RAB3GAP2: variants seen among roughly 807,000 people sequenced by gnomAD.
RAB3GAP2 encodes rab3 GTPase-activating protein non-catalytic subunit.
RAB3GAP2 carries 87 observed loss-of-function variants against 185.3 expected under a neutral mutation model. That is an observed-to-expected ratio of 0.47 (90% CI 0.39 to 0.56). The LOEUF is 0.56. Among genes scored for constraint, RAB3GAP2 ranks in the 20% least tolerant of loss-of-function variants. RAB3GAP2 has a pLI of 0.00. For synonymous variants in RAB3GAP2, 554 were observed against 576.1 expected (o/e 0.96, Z 0.55); for missense variants, 1,492 against 1,638.2 (o/e 0.91, Z 1.54).
intron 9 of RAB3GAP2, among the ~76,000 whole-genome samples, chr1:220,199,331 T>C (rs557903179): frequency 5.9e-4 from 78 of 131,864 alleles, no homozygotes; most frequent in African/African-American, 1.1e-3. Context: ...TGGGAATCTA[T>C]TTCTTATGCT....
chr1:220,228,159 G>A (rs1395338721), intron 2 of RAB3GAP2, among the ~76,000 whole-genome samples: 2 of 152,270 alleles, frequency 1.3e-5, no homozygotes, highest in African/African-American at 4.8e-5. Context: ...ATAAGACTCA[G>A]ACTCTCAGAG....
chr1:220,170,791 G>T, intron 24 of RAB3GAP2, 101 bp downstream of exon 24: 2 of 955,154 alleles, frequency 2.1e-6, no homozygotes, highest in East Asian at 2.5e-5. Context: ...TTTTAAATCT[G>T]AGTGTATTTT....
chr1:220,150,051 G>A lies in RAB3GAP2; in HGVS notation c.*1200C>T, dbSNP rs1009618762. The A allele has an allele frequency of 2.7e-5, 4 of 150,590 alleles. No homozygotes were observed. The highest frequency in any genetic ancestry group is 9.8e-5 in the African/African-American group (4 of 40,988). 9.3% of individuals were successfully genotyped at this position (150,590 alleles called of 1,614,324 possible). A position where few individuals can be genotyped will look rare whatever the true frequency, so the allele number is the denominator to read the frequency against. On this transcript the variant is annotated 3_prime_UTR_variant, in exon 35 of 35. Transcript: ENST00000358951. The stretch of plus-strand genomic sequence containing the variant: ...AAAAATATACCACAATAAATACTTG[G>A]TATTTGTAGAGCTCAAAGCACTCTT...
chr1:220,209,355 G>C (rs546307152), intron 7 of RAB3GAP2, among the ~76,000 whole-genome samples: 5 of 151,862 alleles, frequency 3.3e-5, no homozygotes, highest in African/African-American at 1.2e-4. Flanking sequence ...TTCTACATTC[G>C]AATCTTCTCT....
intron 1 of RAB3GAP2, among the ~76,000 whole-genome samples, chr1:220,251,803 G>A (rs1659937062): frequency 6.6e-6 from 1 of 152,106 alleles, no homozygotes; most frequent in Admixed American, 6.5e-5. Context: ...CACTGATCAG[G>A]CAATTATTAA....
chr1:220,254,553 A>G, intron 1 of RAB3GAP2: 1 of 1,602,948 alleles, frequency 6.2e-7, no homozygotes, highest in Non-Finnish European at 8.5e-7. Context: ...AGGCACTCTC[A>G]CTCACTTATG....
chr1:220,183,908 G>T, intron 19 of RAB3GAP2, 128 bp downstream of exon 19: 1 of 723,098 alleles, frequency 1.4e-6, no homozygotes, highest in Non-Finnish European at 2.2e-6. Flanking sequence ...CAGGGGGCTT[G>T]GTAAGGAAAA....
At chr1:220,253,493 G>C (rs748813427) in intron 1 of RAB3GAP2, 3 of 1,526,420 alleles carry the variant, frequency 2.0e-6, no homozygotes, top group Non-Finnish European at 2.6e-6. Flanking sequence ...CGTCTGACGC[G>C]GAGTTGGGTG....
Position 220,235,852 on chromosome 1 carries a change from AATACTTT to A in RAB3GAP2, c.116-2996_116-2990del, listed in dbSNP as rs1337099844. 3.3e-5 allele frequency among the ~76,000 whole-genome samples: 5 copies of A among 152,206 alleles called. No homozygotes were observed. The East Asian group carries it at 9.6e-4, about 29-fold the overall frequency. The stretch of plus-strand genomic sequence containing the variant: ...CTCCAAGAAAAGAAAGACCTTGAGA[AATACTTT>A]ATACAAGATATTTAGGTTTATGAAG... On this transcript the variant is annotated intron_variant, in intron 1 of 34. Coordinates refer to ENST00000358951, the MANE Select transcript of RAB3GAP2 (RefSeq NM_012414.4).
chr1:220,216,666 T>G lies in RAB3GAP2; in HGVS notation c.181-2687A>C, dbSNP rs554712349. 1.1e-3 allele frequency among the ~76,000 whole-genome samples: 169 copies of G among 152,338 alleles called. 1 individual carries two copies. The highest frequency in any genetic ancestry group is 0.01 in the Middle Eastern group (3 of 294). ...AGAAATTAGGAGGGTCCAAAACTCT[T>G]TGATTGGTCTCTGACTCTTATCCTA... On this transcript the variant is annotated intron_variant, in intron 2 of 34. Transcript: ENST00000358951.
chr1:220,214,724 C>G (rs1659152476), intron 2 of RAB3GAP2, among the ~76,000 whole-genome samples: 1 of 151,552 alleles, frequency 6.6e-6, no homozygotes, highest in Admixed American at 6.6e-5. Flanking sequence ...GGTGTTTTCT[C>G]TTTTTCATTA....
rs41303055 is a variant in RAB3GAP2, at chr1:220,172,536, A to G, written c.2416+101T>C. The stretch of plus-strand genomic sequence containing the variant: ...ATCTCTACGGTGAAATGTTTTGTAC[A>G]CTACAGACTCCTTTTGTTAAGGGAT... On this transcript the variant is annotated intron_variant, in intron 22 of 34. Coordinates refer to ENST00000358951, the MANE Select transcript of RAB3GAP2 (RefSeq NM_012414.4). The G allele has an allele frequency of 0.092, 70,857 of 768,130 alleles. 3,875 individuals carry two copies. Among genetic ancestry groups the G allele is most frequent in the South Asian group, 0.15 (10,099 of 66,502 alleles). The allele number at this position is 768,130 out of a possible 1,614,324, so 47.6% of individuals were successfully genotyped here. A position where few individuals can be genotyped will look rare whatever the true frequency, so the allele number is the denominator to read the frequency against.
Position 220,157,454 on chromosome 1 carries a change from A to T in RAB3GAP2, c.3371T>A (p.Val1124Glu). ...GAGCCACGCATCCTCAGTATCCAGC[A>T]CAGGCACCTGTATTTCATCCCTGCT... Reference protein sequence around the residue: ...DVSRDEIQVPVLDTEDAWLSV... With the variant: ...DVSRDEIQVPELDTEDAWLSV... Residue 1124 changes from valine (V) to glutamate (E), a missense_variant, in exon 31 of 35, where the codon GTG (valine) becomes GAG (glutamate). Coordinates refer to ENST00000358951, the MANE Select transcript of RAB3GAP2 (RefSeq NM_012414.4). 6.2e-7 allele frequency: 1 copy of T among 1,613,820 alleles called. No individual in the cohort carries two copies. Among genetic ancestry groups the T allele is most frequent in the Non-Finnish European group, 8.5e-7 (1 of 1,180,016 alleles).
rs1464146871 is a variant in RAB3GAP2 at position 220,205,977 on chromosome 1, A to G, written c.642T>C (p.Ala214=). 6.2e-7 allele frequency: 1 copy of G among 1,609,842 alleles called. No homozygotes were observed. The highest frequency in any genetic ancestry group is 8.5e-7 in the Non-Finnish European group (1 of 1,176,558). Reference sequence around the variant, plus strand: ...TAAATCCATCAATAGTCACAATGGCAGCTGGATATAAGATACTCAACTCTT... The same window carrying G: ...TAAATCCATCAATAGTCACAATGGCGGCTGGATATAAGATACTCAACTCTT... ...QNEELSILYP[A]AIVTIDGFSL... The change falls in exon 8 of 35, where the codon GCT becomes GCC. Residue 214 remains alanine (A), a synonymous_variant. Coordinates refer to ENST00000358951, the MANE Select transcript of RAB3GAP2 (RefSeq NM_012414.4).
chr1:220,167,635 C>T lies in RAB3GAP2; in HGVS notation c.2847G>A (p.Gln949=). The T allele has an allele frequency of 6.2e-7, 1 of 1,613,994 alleles. No individual in the cohort carries two copies. The highest frequency in any genetic ancestry group is 8.5e-7 in the Non-Finnish European group (1 of 1,179,954). The change falls in exon 25 of 35, where the codon CAG becomes CAA. Residue 949 remains glutamine (Q), a synonymous_variant. Coordinates refer to ENST00000358951, the MANE Select transcript of RAB3GAP2 (RefSeq NM_012414.4). ...GTTTTAATACTTCAGGGCTGAAGTC[C>T]TGTTTAAATATCCACTTGGCTACAC... is the stretch of plus-strand genomic sequence containing the variant. ...ADSVAKWIFK[Q]DFSPEVLKLA...
intron 14 of RAB3GAP2, among the ~76,000 whole-genome samples, 161 bp downstream of exon 14, chr1:220,190,907 A>G (rs1658605945): frequency 6.6e-6 from 1 of 151,992 alleles, no homozygotes; most frequent in African/African-American, 2.4e-5. Context: ...GTTATTAAAT[A>G]CTTAAGTACA....
chr1:220,171,646 C>T (rs1392370110), intron 23 of RAB3GAP2, among the ~76,000 whole-genome samples: 1 of 152,052 alleles, frequency 6.6e-6, no homozygotes, highest in Non-Finnish European at 1.5e-5. Context: ...TTATTTGATC[C>T]ACCATGAGCT....
At chr1:220,181,709 G>T (rs139287198) in intron 21 of RAB3GAP2, among the ~76,000 whole-genome samples, 89 of 152,226 alleles carry the variant, frequency 5.8e-4, no homozygotes, top group African/African-American at 2.1e-3. Context: ...GGTGCACACA[G>T]ATTCTAAACT....
chr1:220,249,859 G>C (rs1659898499), intron 1 of RAB3GAP2, among the ~76,000 whole-genome samples: 1 of 152,166 alleles, frequency 6.6e-6, no homozygotes, highest in African/African-American at 2.4e-5. Flanking sequence ...TGGGCCTGTG[G>C]GTGCATAGAA....
Sources: allele counts gnomAD v4.1 joint callset (sites outside exome capture counted in the v4.1 genomes callset), GRCh38; gene constraint gnomAD v4.1.1; transcripts MANE v1.5; gene names NCBI Gene and HGNC (gene_info 2026-07-23, HGNC 2026-07-21).